RUNX1: variants seen among roughly 807,000 people sequenced by gnomAD.
RUNX1 encodes the protein RUNX family transcription factor 1.
RUNX1 carries 19 observed loss-of-function variants against 42.8 expected under a neutral mutation model. The ratio of observed to expected loss-of-function variants is 0.44; its 90% CI spans 0.31 to 0.65. The LOEUF (loss-of-function observed/expected upper bound fraction) is 0.65. Among genes scored for constraint, RUNX1 ranks in the 30% least tolerant of loss-of-function variants. The pLI, the probability that RUNX1 is intolerant of heterozygous loss-of-function variation, is 0.07. For synonymous variants in RUNX1, 271 were observed against 289.4 expected (o/e 0.94, Z 0.64); for missense variants, 528 against 672.0 (o/e 0.79, Z 2.37).
intron 2 of RUNX1, among the ~76,000 whole-genome samples, chr21:34,977,556 C>A (rs184682895): frequency 6.6e-6 from 1 of 152,170 alleles, no homozygotes; most frequent in East Asian, 1.9e-4. Context: ...CCTGCTTTTG[C>A]GGAGAGAGGG....
rs183982890 is a variant in RUNX1, at chr21:35,020,507, T to G, written c.58+28335A>C. On this transcript the variant is annotated intron_variant, in intron 2 of 8. Transcript: ENST00000675419. ...CAAGCAGAGGTGAGATCTGGGAGGA[T>G]AAAGTAGAAGGCAATGAGACCCGAA... Among the ~76,000 whole-genome samples, 50 of 152,238 alleles carry G rather than the reference T, an allele frequency of 3.3e-4. No individual in the cohort carries two copies. In the East Asian group the frequency reaches 7.9e-3, roughly 24 times the overall value.
chr21:34,854,266 T>A (rs965122658), intron 6 of RUNX1, among the ~76,000 whole-genome samples: 1 of 152,236 alleles, frequency 6.6e-6, no homozygotes, highest in African/African-American at 2.4e-5. Context: ...CTCAACCAAG[T>A]ACTTTAAAAA....
At chr21:35,037,558 ACCGACCTGTCCCCT>A (rs1404495499) in intron 2 of RUNX1, among the ~76,000 whole-genome samples, 6 of 152,048 alleles carry the variant, frequency 3.9e-5, no homozygotes, top group African/African-American at 1.2e-4. Context: ...TATTCTCAAC[ACCGACCTGTCCCCT>A]CCACGGGCAG....
chr21:34,835,791 C>A (rs2057137305), intron 6 of RUNX1, among the ~76,000 whole-genome samples: 1 of 152,196 alleles, frequency 6.6e-6, no homozygotes, highest in Non-Finnish European at 1.5e-5. Context: ...CCGCTGCCCC[C>A]ATAAAGTGCT....
chr21:34,932,439 G>A lies in RUNX1; in HGVS notation c.59-39476C>T, dbSNP rs145518523. Among the ~76,000 whole-genome samples the A allele has an allele frequency of 2.0e-3, 301 of 152,180 alleles. 1 individual carries two copies. The highest frequency in any genetic ancestry group is 7.0e-3 in the African/African-American group (291 of 41,526). ...CAAACCTACCATTATACCACTGCTG[G>A]GTTGTGGGTTCTCCCCTCTAAACGA... On this transcript the variant is annotated intron_variant, in intron 2 of 8. Transcript: ENST00000675419.
chr21:34,897,892 T>C (rs1268581329), intron 2 of RUNX1, among the ~76,000 whole-genome samples: 1 of 152,204 alleles, frequency 6.6e-6, no homozygotes, highest in Non-Finnish European at 1.5e-5. Flanking sequence ...TTTGCATATG[T>C]AATTAAGGTT....
chr21:35,005,576 C>T (rs961014336), intron 2 of RUNX1, among the ~76,000 whole-genome samples: 1 of 152,230 alleles, frequency 6.6e-6, no homozygotes, highest in Admixed American at 6.5e-5. Context: ...GTTCCATCCT[C>T]ATCCCTGGCA....
intron 7 of RUNX1, among the ~76,000 whole-genome samples, chr21:34,801,750 C>T (rs2056610753): frequency 6.6e-6 from 1 of 152,218 alleles, no homozygotes; most frequent in Non-Finnish European, 1.5e-5. Flanking sequence ...GTTGTTTCCT[C>T]TTCTACCTGT....
intron 2 of RUNX1, among the ~76,000 whole-genome samples, chr21:34,994,649 G>A (rs763338386): frequency 1.5e-4 from 23 of 151,806 alleles, no homozygotes; most frequent in South Asian, 2.1e-4. Flanking sequence ...CTACATTTAC[G>A]GGTACTACGT....
chr21:35,032,348 TC>T (rs1337889712), intron 2 of RUNX1, among the ~76,000 whole-genome samples: 5 of 152,226 alleles, frequency 3.3e-5, no homozygotes, highest in African/African-American at 1.2e-4. Context: ...TTAGCAAACC[TC>T]TTCTGTTATC....
At chr21:35,039,822 C>T (rs1228100782) in intron 2 of RUNX1, among the ~76,000 whole-genome samples, 2 of 152,202 alleles carry the variant, frequency 1.3e-5, no homozygotes, top group Non-Finnish European at 2.9e-5. Flanking sequence ...GGTTGCTTAA[C>T]GTTGTTCCTC....
chr21:34,886,490 T>C (rs905689669), intron 4 of RUNX1, among the ~76,000 whole-genome samples: 1 of 152,252 alleles, frequency 6.6e-6, no homozygotes, highest in Non-Finnish European at 1.5e-5. Flanking sequence ...GGGGCAGCAG[T>C]AAGTTAGCAG....
At chr21:35,032,063 G>A (rs2059276981) in intron 2 of RUNX1, among the ~76,000 whole-genome samples, 1 of 152,170 alleles carries the variant, frequency 6.6e-6, no homozygotes, top group South Asian at 2.1e-4. Flanking sequence ...GTACAGAGGG[G>A]CTTTTGGGGA....
chr21:34,917,339 T>C (rs552532417), intron 2 of RUNX1, among the ~76,000 whole-genome samples: 6 of 152,180 alleles, frequency 3.9e-5, no homozygotes, highest in African/African-American at 9.6e-5. Flanking sequence ...AGCCTAGACA[T>C]TGGGGTGAGG....
At chr21:34,811,231 G>A (rs752547179) in intron 7 of RUNX1, among the ~76,000 whole-genome samples, 3 of 152,058 alleles carry the variant, frequency 2.0e-5, no homozygotes, top group Non-Finnish European at 4.4e-5. Context: ...ACAAAGGGAA[G>A]TAGAATTCCC....
At chr21:34,967,492 G>A (rs2058730077) in intron 2 of RUNX1, among the ~76,000 whole-genome samples, 1 of 151,492 alleles carries the variant, frequency 6.6e-6, no homozygotes, top group South Asian at 2.1e-4. Flanking sequence ...CCTGAACACA[G>A]GATCTCAGTG....
intron 2 of RUNX1, chr21:35,038,474 G>A (rs1418491398): frequency 2.2e-6 from 1 of 455,112 alleles, no homozygotes. Context: ...CATGACAGCA[G>A]CAGTTTCTGC....
At chr21:34,888,599 G>C (rs1484169362) in intron 3 of RUNX1, 3 of 1,059,162 alleles carry the variant, frequency 2.8e-6, no homozygotes, top group Non-Finnish European at 3.4e-6. Context: ...GCCCCGGAAA[G>C]AAGTGCCTGG....
intron 6 of RUNX1, among the ~76,000 whole-genome samples, chr21:34,855,405 A>C (rs1351332350): frequency 6.6e-6 from 1 of 152,190 alleles, no homozygotes; most frequent in African/African-American, 2.4e-5. Context: ...TAAAACATAC[A>C]TTAAAAAAAC....
Sources: allele counts gnomAD v4.1 joint callset (sites outside exome capture counted in the v4.1 genomes callset), GRCh38; gene constraint gnomAD v4.1.1; transcripts MANE v1.5; gene names NCBI Gene and HGNC (gene_info 2026-07-23, HGNC 2026-07-21).